Variants in STOX2 observed in about 807,000 individuals in gnomAD.
The protein encoded by STOX2 is storkhead-box protein 2.
STOX2 carries 28 observed loss-of-function variants against 60.9 expected under a neutral mutation model. That is an observed-to-expected ratio of 0.46 (90% CI 0.34 to 0.63). STOX2 has a LOEUF of 0.63. STOX2 is among the 30% of genes least tolerant of loss of function. The pLI is 0.01. For missense variants in STOX2, 1,024 were observed against 1,187.7 expected, an observed-to-expected ratio of 0.86 and a Z score of 2.03; for synonymous variants, 472 against 463.9, an observed-to-expected ratio of 1.02 and a Z score of -0.22.
At chr4:183,889,108 G>C (rs532909021) in intron 1 of STOX2, among the ~76,000 whole-genome samples, 1 of 151,806 alleles carries the variant, frequency 6.6e-6, no homozygotes, top group East Asian at 1.9e-4. Context: ...CGTCCTCAAC[G>C]ACACTGATCG....
intron 1 of STOX2, among the ~76,000 whole-genome samples, chr4:183,959,543 C>CT (rs1560905656): frequency 6.6e-6 from 1 of 152,174 alleles, no homozygotes; most frequent in African/African-American, 2.4e-5. Context: ...TGCGGGCATG[C>CT]TTTTTACCAG....
intron 1 of STOX2, among the ~76,000 whole-genome samples, chr4:183,854,504 A>G (rs1267671534): frequency 6.6e-6 from 1 of 152,156 alleles, no homozygotes; most frequent in Non-Finnish European, 1.5e-5. Flanking sequence ...CCCTTGAAAA[A>G]CTAGATTCAT....
rs187763050 is a variant in STOX2 at position 184,002,650 on chromosome 4, C to T, written c.319+1173C>T. Reference sequence around the variant, plus strand: ...GGCACCAGAGCACAAGCCCATGGCACGAAGGCTCTTCAAGCTTTGTTCATG... The same window carrying T: ...GGCACCAGAGCACAAGCCCATGGCATGAAGGCTCTTCAAGCTTTGTTCATG... On this transcript the variant is annotated intron_variant, in intron 2 of 3. Transcript: ENST00000308497. Among the ~76,000 whole-genome samples the T allele has an allele frequency of 2.5e-3, 385 of 152,266 alleles. 1 individual carries two copies. The highest frequency in any genetic ancestry group is 8.7e-3 in the African/African-American group (360 of 41,558).
At chr4:183,957,151 A>AATT (rs1052707048) in intron 1 of STOX2, among the ~76,000 whole-genome samples, 2 of 66,246 alleles carry the variant, frequency 3.0e-5, no homozygotes, top group African/African-American at 8.8e-5. Flanking sequence ...CTTAAAGTAT[A>AATT]ATAATAATAA....
intron 1 of STOX2, among the ~76,000 whole-genome samples, chr4:183,817,413 G>A (rs1739178241): frequency 6.6e-6 from 1 of 152,164 alleles, no homozygotes; most frequent in African/African-American, 2.4e-5. Flanking sequence ...ATGGTTGCCA[G>A]ACTATGAGCT....
In STOX2 at chr4:183,906,145, G is replaced by C. The variant is rs1313229535; in HGVS notation, c.-646G>C. The C allele has an allele frequency of 6.6e-6, 1 of 152,384 alleles. No homozygotes were observed. Among genetic ancestry groups the C allele is most frequent in the Non-Finnish European group, 1.5e-5 (1 of 68,146 alleles). 9.4% of individuals were successfully genotyped at this position (152,384 alleles called of 1,614,324 possible). On this transcript the variant is annotated 5_prime_UTR_variant, in exon 1 of 4. Transcript: ENST00000308497. ...CGCTCGAGCCTCTGTGATGAAGACTGTCTCCCGGGGACTGCAGCGGAGGCA... is the reference window on the plus strand; with the variant it reads ...CGCTCGAGCCTCTGTGATGAAGACTCTCTCCCGGGGACTGCAGCGGAGGCA...
At position 183,906,238 on chromosome 4, in the gene STOX2, T is replaced by G. The variant is rs1341813744; in HGVS notation, c.-553T>G. ...GCCCGCGGGGACACGACTCGGACAC[T>G]GTCATCCCCACGCCTCGCGCTGAGC... On this transcript the variant is annotated 5_prime_UTR_variant, in exon 1 of 4. Coordinates refer to ENST00000308497, the MANE Select transcript of STOX2 (RefSeq NM_020225.3). The G allele has an allele frequency of 6.6e-6, 1 of 152,202 alleles. No homozygotes were observed. The highest frequency in any genetic ancestry group is 1.9e-4 in the East Asian group (1 of 5,140). 9.4% of individuals were successfully genotyped at this position (152,202 alleles called of 1,614,324 possible).
chr4:184,010,809 A>T lies in STOX2; in HGVS notation c.1971A>T (p.Ser657=). The T allele has an allele frequency of 6.3e-7, 1 of 1,584,954 alleles. No individual in the cohort carries two copies. Among genetic ancestry groups the T allele is most frequent in the Non-Finnish European group, 8.6e-7 (1 of 1,166,178 alleles). The change falls in exon 3 of 4, where the codon TCA becomes TCT. Residue 657 remains serine (S), a synonymous_variant. Coordinates refer to ENST00000308497, the MANE Select transcript of STOX2 (RefSeq NM_020225.3). The surrounding 1 kb of genome is among the most constrained non-coding windows in gnomAD (Gnocchi z 4.5). ...SREPVGHKEE[S]PKGPGGGPAA... ...AGCCTGTGGGGCACAAGGAGGAGTC[A>T]CCAAAAGGGCCGGGTGGGGGCCCCG... is the stretch of plus-strand genomic sequence containing the variant.
intron 1 of STOX2, among the ~76,000 whole-genome samples, chr4:183,875,799 C>A (rs1438022904): frequency 6.6e-6 from 1 of 152,182 alleles, no homozygotes; most frequent in Non-Finnish European, 1.5e-5. Context: ...CCCACTGCAG[C>A]CTTGACCGCC....
chr4:183,851,989 C>G (rs1476980674), intron 1 of STOX2, among the ~76,000 whole-genome samples: 78 of 26,814 alleles, frequency 2.9e-3, no homozygotes, highest in Admixed American at 5.3e-3. Flanking sequence ...ATGAGAGAAA[C>G]GATGAGGGAA....
At chr4:183,830,961 C>A (rs1341507839) in intron 1 of STOX2, among the ~76,000 whole-genome samples, 1 of 145,630 alleles carries the variant, frequency 6.9e-6, no homozygotes, top group African/African-American at 2.6e-5. Context: ...TTCAAAGTTG[C>A]AGGCTTTGGT....
In STOX2 at chr4:184,007,406, C is replaced by T. The variant is rs150121895; in HGVS notation, c.320-1752C>T. Among the ~76,000 whole-genome samples the T allele has an allele frequency of 1.5e-3, 223 of 152,298 alleles. 1 individual carries two copies. The highest frequency in any genetic ancestry group is 2.4e-3 in the Admixed American group (37 of 15,304). On this transcript the variant is annotated intron_variant, in intron 2 of 3. Transcript: ENST00000308497. ...GTTGTTTGAAGGCAATCTGGTTTTC[C>T]GTGGGTCCCGACCCAAAGTGGAGAC...
intron 1 of STOX2, among the ~76,000 whole-genome samples, chr4:183,999,785 A>G (rs896181429): frequency 3.3e-5 from 5 of 152,030 alleles, no homozygotes; most frequent in Non-Finnish European, 7.4e-5. Context: ...GGGACTCTGC[A>G]CTCCTCCTGC....
In STOX2 at chr4:183,811,052, C is replaced by T. The variant is rs144621939; in HGVS notation, c.364+12997C>T. Among the ~76,000 whole-genome samples the T allele has an allele frequency of 2.0e-4, 31 of 152,142 alleles. No individual in the cohort carries two copies. The East Asian group carries it at 4.8e-3, about 24-fold the overall frequency. On this transcript the variant is annotated intron_variant, in intron 1 of 2. Coordinates refer to the STOX2 transcript ENST00000513034. The stretch of plus-strand genomic sequence containing the variant: ...GGGTTCTTGTCAAACCGATTTAGTG[C>T]AGGGTTCTTTTGCTAAAGTGATTTT...
intron 1 of STOX2, among the ~76,000 whole-genome samples, chr4:183,917,758 T>C (rs1741974482): frequency 1.3e-5 from 2 of 152,200 alleles, no homozygotes. Context: ...GTGGCTTCTG[T>C]CTATGTTCAT....
intron 1 of STOX2, among the ~76,000 whole-genome samples, chr4:183,928,412 G>A (rs1206851740): frequency 6.6e-6 from 1 of 152,192 alleles, no homozygotes; most frequent in Non-Finnish European, 1.5e-5. Context: ...GCAGGAGCTT[G>A]GATTTTGCCC....
intron 2 of STOX2, among the ~76,000 whole-genome samples, chr4:184,007,394 A>G (rs984397476): frequency 3.9e-5 from 6 of 152,202 alleles, no homozygotes; most frequent in African/African-American, 1.4e-4. Context: ...GTTTGAAGGC[A>G]ATCTGGTTTT....
intron 1 of STOX2, among the ~76,000 whole-genome samples, chr4:183,919,060 G>T (rs965892245): frequency 6.6e-6 from 1 of 152,188 alleles, no homozygotes; most frequent in Admixed American, 6.5e-5. Flanking sequence ...TGCTTTCTAT[G>T]GTTATGCCCA....
chr4:183,955,243 G>C (rs899093622), intron 1 of STOX2, among the ~76,000 whole-genome samples: 1 of 152,118 alleles, frequency 6.6e-6, no homozygotes, highest in Non-Finnish European at 1.5e-5. Flanking sequence ...ATCAGTATTG[G>C]TATTAATGAT....
Sources: gnomAD v4.1 joint callset for allele counts (sites outside exome capture counted in the v4.1 genomes callset) on GRCh38, gnomAD v4.1.1 for gene constraint, Gnocchi (gnomAD v3.1) non-coding constraint, MANE v1.5 for transcripts, NCBI Gene and HGNC (gene_info 2026-07-23, HGNC 2026-07-21) for gene names.